The following LINGO2 variants were observed in gnomAD, a reference collection of about 807,000 sequenced individuals.
The protein encoded by LINGO2 is leucine rich repeat and Ig domain containing 2.
Under a neutral mutation model 30.6 loss-of-function variants are expected in LINGO2, and 14 were observed. The ratio of observed to expected loss-of-function variants is 0.46; its 90% CI spans 0.30 to 0.72. The LOEUF (loss-of-function observed/expected upper bound fraction) is 0.72. Among genes scored for constraint, LINGO2 ranks in the 30% least tolerant of loss-of-function variants. LINGO2 has a pLI of 0.07. For missense variants in LINGO2, 729 were observed against 751.7 expected (o/e 0.97, Z 0.35); for synonymous variants, 317 against 288.5 (o/e 1.10, Z -1.00).
the LINGO2 span, among the ~76,000 whole-genome samples, chr9:29,024,803 A>G: frequency 6.6e-6 from 1 of 152,300 alleles, no homozygotes; most frequent in African/African-American, 2.4e-5. Flanking sequence ...GCTGAGATGT[A>G]TGCTGAACAG....
intron 4 of LINGO2, among the ~76,000 whole-genome samples, chr9:28,067,077 T>C (rs979167878): frequency 6.6e-6 from 1 of 152,164 alleles, no homozygotes; most frequent in African/African-American, 2.4e-5. Context: ...ATATGAACTC[T>C]GGTCCTCTTA....
chr9:28,050,435 C>T (rs914210332), intron 4 of LINGO2, among the ~76,000 whole-genome samples: 2 of 150,698 alleles, frequency 1.3e-5, no homozygotes, highest in Non-Finnish European at 2.9e-5. Context: ...TTCTGCAAGA[C>T]AATCTAAAAA....
chr9:28,845,950 C>T, the LINGO2 span, among the ~76,000 whole-genome samples: 1 of 151,458 alleles, frequency 6.6e-6, no homozygotes, highest in Non-Finnish European at 1.5e-5. Context: ...TACAATATCC[C>T]TCTAATGACG....
At chr9:28,529,841 T>A (rs1439036043) in intron 1 of LINGO2, among the ~76,000 whole-genome samples, 1 of 151,998 alleles carries the variant, frequency 6.6e-6, no homozygotes, top group Non-Finnish European at 1.5e-5. Flanking sequence ...AGCAGGAAAG[T>A]GTGAAAAGAG....
chr9:28,245,483 T>A (rs1034678348), intron 4 of LINGO2, among the ~76,000 whole-genome samples: 20 of 152,012 alleles, frequency 1.3e-4, no homozygotes, highest in African/African-American at 4.8e-4. Flanking sequence ...AAAAAAAGGT[T>A]TTCAATTAGG....
rs796282898 is a variant in LINGO2 at position 28,357,315 on chromosome 9, G to GA, written c.-246+15520_-246+15521insT. ...AAAGTCTTTCAGATACAGAAATAAA[G>GA]CCCACCCCCCCCAAAAAAGAAAGCA... On this transcript the variant is annotated intron_variant, in intron 3 of 5. Coordinates refer to ENST00000379992, the Ensembl canonical transcript of LINGO2. Among the ~76,000 whole-genome samples the GA allele has an allele frequency of 7.6e-4, 50 of 66,084 alleles. 1 individual carries two copies. Among genetic ancestry groups the GA allele is most frequent in the African/African-American group, 2.4e-3 (50 of 20,820 alleles). The allele number at this position is 66,084 out of a possible 152,430, so 43.4% of individuals were successfully genotyped here. A position where few individuals can be genotyped will look rare whatever the true frequency, so the allele number is the denominator to read the frequency against.
the LINGO2 span, among the ~76,000 whole-genome samples, chr9:29,103,778 A>G: frequency 2.0e-5 from 3 of 152,168 alleles, no homozygotes; most frequent in Non-Finnish European, 4.4e-5. Context: ...CCCACATTTC[A>G]TGGTCAATTT....
intron 4 of LINGO2, among the ~76,000 whole-genome samples, chr9:28,110,856 T>C (rs971929011): frequency 6.6e-6 from 1 of 152,154 alleles, no homozygotes; most frequent in Admixed American, 6.5e-5. Context: ...GAAGCAGAAA[T>C]ACCATTTGAC....
the LINGO2 span, among the ~76,000 whole-genome samples, chr9:28,892,994 A>C: frequency 6.6e-6 from 1 of 152,056 alleles, no homozygotes; most frequent in Non-Finnish European, 1.5e-5. Flanking sequence ...AAATGTTTCA[A>C]AATGCTTTAT....
At chr9:28,149,738 G>A (rs1326091956) in intron 4 of LINGO2, among the ~76,000 whole-genome samples, 2 of 148,782 alleles carry the variant, frequency 1.3e-5, no homozygotes, top group Non-Finnish European at 3.0e-5. Flanking sequence ...GAGCGCCTCT[G>A]CCCAGCTGCC....
chr9:28,269,800 C>G (rs191558821), intron 4 of LINGO2, among the ~76,000 whole-genome samples: 1 of 152,234 alleles, frequency 6.6e-6, no homozygotes. Flanking sequence ...ATTCATGTAG[C>G]CAACAATTGC....
At chr9:28,002,816 G>C (rs1051727911) in intron 5 of LINGO2, among the ~76,000 whole-genome samples, 1 of 152,106 alleles carries the variant, frequency 6.6e-6, no homozygotes, top group Non-Finnish European at 1.5e-5. Flanking sequence ...AGGCTACTCT[G>C]GTTTCCTTCG....
At chr9:28,103,913 C>G (rs1293406226) in intron 4 of LINGO2, among the ~76,000 whole-genome samples, 1 of 152,108 alleles carries the variant, frequency 6.6e-6, no homozygotes, top group Non-Finnish European at 1.5e-5. Context: ...GTGAACTATT[C>G]TGGAACTATG....
At chr9:28,502,104 T>C (rs945101195) in intron 1 of LINGO2, among the ~76,000 whole-genome samples, 1 of 149,624 alleles carries the variant, frequency 6.7e-6, no homozygotes, top group Non-Finnish European at 1.5e-5. Flanking sequence ...CAGGTTTTGG[T>C]TTCCAGGTCT....
chr9:29,003,640 T>C, the LINGO2 span, among the ~76,000 whole-genome samples: 1 of 151,948 alleles, frequency 6.6e-6, no homozygotes, highest in Non-Finnish European at 1.5e-5. Flanking sequence ...TTAAGAAATA[T>C]ATAGCTTATA....
chr9:28,583,265 T>C (rs570732646), intron 1 of LINGO2, among the ~76,000 whole-genome samples: 4 of 152,154 alleles, frequency 2.6e-5, no homozygotes, highest in African/African-American at 7.2e-5. Flanking sequence ...CTCCAATGAC[T>C]GAACATATTG....
chr9:28,275,776 C>T (rs1173504788), intron 4 of LINGO2, among the ~76,000 whole-genome samples: 1 of 152,110 alleles, frequency 6.6e-6, no homozygotes, highest in Non-Finnish European at 1.5e-5. Context: ...AGAGATCGAC[C>T]TTTAATGTTT....
chr9:28,180,531 T>C (rs1587153313), intron 4 of LINGO2, among the ~76,000 whole-genome samples: 1 of 152,324 alleles, frequency 6.6e-6, no homozygotes, highest in Non-Finnish European at 1.5e-5. Context: ...AATTCTGTTG[T>C]CTTTGTCTTG....
the LINGO2 span, among the ~76,000 whole-genome samples, chr9:28,987,665 A>G: frequency 6.6e-6 from 1 of 152,106 alleles, no homozygotes; most frequent in Non-Finnish European, 1.5e-5. Flanking sequence ...CTTTTGTAAT[A>G]TAAGCATTTA....
Sources: allele counts gnomAD v4.1 joint callset (sites outside exome capture counted in the v4.1 genomes callset), GRCh38; gene constraint gnomAD v4.1.1; transcripts MANE v1.5; gene names NCBI Gene and HGNC (gene_info 2026-07-23, HGNC 2026-07-21).